PARVB: variants seen among roughly 807,000 people sequenced by gnomAD.
PARVB encodes the protein beta-parvin.
PARVB carries 46 observed loss-of-function variants against 47.0 expected under a neutral mutation model. That is an observed-to-expected ratio of 0.98 (90% CI 0.77 to 1.25). The LOEUF (loss-of-function observed/expected upper bound fraction) is 1.25. Among genes scored for constraint, PARVB ranks in the 50% most tolerant of loss-of-function variants. The pLI is 0.00. For synonymous variants in PARVB, 196 were observed against 196.3 expected, an observed-to-expected ratio of 1.00 and a Z score of 0.01; for missense variants, 473 against 471.6, an observed-to-expected ratio of 1.00 and a Z score of -0.03.
chr22:44,058,084 T>C (rs1640908779), intron 1 of PARVB, among the ~76,000 whole-genome samples: 1 of 152,130 alleles, frequency 6.6e-6, no homozygotes, highest in Admixed American at 6.5e-5. Context: ...TTGAAAATAA[T>C]AAATTGAGAT....
intron 1 of PARVB, among the ~76,000 whole-genome samples, chr22:44,078,535 C>T (rs1601568675): frequency 6.6e-6 from 1 of 152,164 alleles, no homozygotes; most frequent in Non-Finnish European, 1.5e-5. Context: ...AGGACCCTGT[C>T]AATCACATCG....
intron 8 of PARVB, chr22:44,147,314 G>T: frequency 4.2e-6 from 1 of 235,814 alleles, no homozygotes; most frequent in Non-Finnish European, 8.7e-6. Flanking sequence ...AGTGGAGGGG[G>T]GAAACAAATG....
intron 1 of PARVB, among the ~76,000 whole-genome samples, chr22:44,077,404 G>A (rs927378545): frequency 1.3e-5 from 2 of 152,156 alleles, no homozygotes; most frequent in Non-Finnish European, 2.9e-5. Flanking sequence ...GACCGAATCT[G>A]CAACTTGATT....
At position 44,089,234 on chromosome 22, in the gene PARVB, C is replaced by G. The variant is rs922078366; in HGVS notation, c.113-4694C>G. On this transcript the variant is annotated intron_variant, in intron 1 of 12. Coordinates refer to ENST00000338758, the MANE Select transcript of PARVB (RefSeq NM_013327.5). The surrounding 1 kb of genome is among the most constrained non-coding windows in gnomAD (Gnocchi z 4.0). Reference sequence around the variant, plus strand: ...GTGGGAACGAGTTGGCATCGACTCCCTCGTGGCTGGCTGCTGGGTTTCGTG... The same window carrying G: ...GTGGGAACGAGTTGGCATCGACTCCGTCGTGGCTGGCTGCTGGGTTTCGTG... 1.3e-5 allele frequency: 2 copies of G among 152,350 alleles called. No individual in the cohort carries two copies. The allele number at this position is 152,350 out of a possible 1,614,324, so 9.4% of individuals were successfully genotyped here.
rs367871605 is a variant in PARVB at position 44,080,562 on chromosome 22, C to G, written c.113-13366C>G. 9.3e-4 allele frequency among the ~76,000 whole-genome samples: 141 copies of G among 152,326 alleles called. 1 individual carries two copies. Among genetic ancestry groups the G allele is most frequent in the African/African-American group, 3.2e-3 (132 of 41,568 alleles). ...CATTGGGCCCCCTGCATAATCCAGG[C>G]TAATCTCCCACCCCAAGGTCCTTAC... On this transcript the variant is annotated intron_variant, in intron 1 of 12. Coordinates refer to ENST00000338758, the MANE Select transcript of PARVB (RefSeq NM_013327.5).
intron 1 of PARVB, among the ~76,000 whole-genome samples, chr22:44,082,343 A>C (rs147099636): frequency 0.014 from 2,091 of 152,106 alleles, 23 homozygotes; most frequent in Non-Finnish European, 0.021. Context: ...ACATAGTGAA[A>C]CCTCATCTGT....
chr22:44,039,800 A>G, intron 1 of PARVB: 1 of 452,514 alleles, frequency 2.2e-6, no homozygotes, highest in Non-Finnish European at 4.4e-6. Context: ...AAGAGTACAC[A>G]CTGTGTGATT....
At chr22:44,078,866 A>T (rs1167588658) in intron 1 of PARVB, among the ~76,000 whole-genome samples, 1 of 152,212 alleles carries the variant, frequency 6.6e-6, no homozygotes, top group Non-Finnish European at 1.5e-5. Context: ...CTAGGATTAC[A>T]GGCGCAGACC....
In PARVB at chr22:44,136,449, G is replaced by A. The variant is rs373442231; in HGVS notation, c.634-11G>A. The stretch of plus-strand genomic sequence containing the variant: ...CTGCCTGATTTTGTATGTTTATTTT[G>A]GGGTTTTCAGAAACGGGAAGGCCTG... On this transcript the variant is annotated splice_polypyrimidine_tract_variant and intron_variant, in intron 6 of 12. Transcript: ENST00000338758. 9 of 1,613,268 alleles carry A rather than the reference G, an allele frequency of 5.6e-6. No individual in the cohort carries two copies. Among genetic ancestry groups the A allele is most frequent in the South Asian group, 2.2e-5 (2 of 91,056 alleles).
Position 44,130,108 on chromosome 22 carries a change from T to C in PARVB, c.377-1379T>C, listed in dbSNP as rs574055785. Among the ~76,000 whole-genome samples the C allele has an allele frequency of 1.7e-4, 26 of 152,336 alleles. No homozygotes were observed. The East Asian group carries it at 4.8e-3, about 28-fold the overall frequency. On this transcript the variant is annotated intron_variant, in intron 4 of 12. Coordinates refer to ENST00000338758, the MANE Select transcript of PARVB (RefSeq NM_013327.5). ...AACAGAACTTTGTGCTGGGAACCAC[T>C]TGCAAAACAGAAACCCCATTTGTGA...
At chr22:44,093,484 G>A (rs1354687794) in intron 1 of PARVB, among the ~76,000 whole-genome samples, 1 of 152,226 alleles carries the variant, frequency 6.6e-6, no homozygotes, top group African/African-American at 2.4e-5. Flanking sequence ...AGATTCACCT[G>A]TATGCATGAC....
chr22:44,107,824 C>G (rs971214201), intron 3 of PARVB: 3 of 152,124 alleles, frequency 2.0e-5, no homozygotes, highest in Non-Finnish European at 2.9e-5. Context: ...CGCCTCCCTC[C>G]CCGAAAACTC....
At chr22:44,101,414 AAAT>A (rs2147069928) in intron 3 of PARVB, among the ~76,000 whole-genome samples, 1 of 142,022 alleles carries the variant, frequency 7.0e-6, no homozygotes, top group African/African-American at 3.1e-5. Context: ...TCTCAAAAAA[AAAT>A]AAAAAATAAA....
chr22:44,005,480 C>G (rs939549388), intron 2 of PARVB, among the ~76,000 whole-genome samples: 3 of 144,516 alleles, frequency 2.1e-5, no homozygotes, highest in African/African-American at 7.6e-5. Context: ...TTTTCTCTTT[C>G]TTTTCTTTAA....
intron 12 of PARVB, among the ~76,000 whole-genome samples, chr22:44,165,367 C>T (rs1235117185): frequency 6.6e-6 from 1 of 152,196 alleles, no homozygotes; most frequent in South Asian, 2.1e-4. Flanking sequence ...GAGAATGGTG[C>T]CTGGCCTGGA....
Position 44,147,886 on chromosome 22 carries a change from C to T in PARVB, c.738C>T (p.Phe246=), listed in dbSNP as rs16991550. 1,920 of 1,614,034 alleles carry T rather than the reference C, an allele frequency of 1.2e-3. 23 individuals carry two copies. The African/African-American group carries it at 0.023, about 19-fold the overall frequency. ...RFERDAFDTL[F]DHAPDKLSVV... Reference sequence around the variant, plus strand: ...AGCGGGATGCCTTCGACACGCTGTTCGACCACGCCCCGGATAAGCTCAGCG... The same window carrying T: ...AGCGGGATGCCTTCGACACGCTGTTTGACCACGCCCCGGATAAGCTCAGCG... The change falls in exon 9 of 13, where the codon TTC becomes TTT. Residue 246 remains phenylalanine (F), a synonymous_variant. Coordinates refer to ENST00000338758, the MANE Select transcript of PARVB (RefSeq NM_013327.5).
chr22:44,093,103 A>G lies in PARVB; in HGVS notation c.113-825A>G, dbSNP rs577633902. Among the ~76,000 whole-genome samples, 8 of 152,326 alleles carry G rather than the reference A, an allele frequency of 5.3e-5. No individual in the cohort carries two copies. The South Asian group carries it at 1.7e-3, about 32-fold the overall frequency. On this transcript the variant is annotated intron_variant, in intron 1 of 12. Coordinates refer to ENST00000338758, the MANE Select transcript of PARVB (RefSeq NM_013327.5). ...TTGGGGCTGGAACCTCGAGTCTTACATGCAGCAGAGGCTGAGGCTGTGACT... is the reference window on the plus strand; with the variant it reads ...TTGGGGCTGGAACCTCGAGTCTTACGTGCAGCAGAGGCTGAGGCTGTGACT...
intron 3 of PARVB, chr22:44,115,860 C>T (rs1409040449): frequency 1.4e-5 from 2 of 137,966 alleles, no homozygotes; most frequent in Admixed American, 1.4e-4. Flanking sequence ...TACATTGTTA[C>T]TAAAGCCTTG....
chr22:44,047,942 C>T (rs771294396), intron 1 of PARVB, among the ~76,000 whole-genome samples: 4 of 152,170 alleles, frequency 2.6e-5, no homozygotes, highest in African/African-American at 4.8e-5. Context: ...GAGTCAGCCC[C>T]GGGGAAGACC....
Sources: gnomAD v4.1 joint callset for allele counts (sites outside exome capture counted in the v4.1 genomes callset) on GRCh38, gnomAD v4.1.1 for gene constraint, Gnocchi (gnomAD v3.1) non-coding constraint, MANE v1.5 for transcripts, NCBI Gene and HGNC (gene_info 2026-07-23, HGNC 2026-07-21) for gene names.